The following PRDM6 variants were observed in gnomAD, a reference collection of about 807,000 sequenced individuals.
PRDM6 encodes the protein putative histone-lysine N-methyltransferase PRDM6.
PRDM6 carries 25 observed loss-of-function variants against 60.8 expected under a neutral mutation model. The observed-to-expected ratio is 0.41, with a 90% CI of 0.30 to 0.57. The LOEUF (loss-of-function observed/expected upper bound fraction) is 0.57. Among genes scored for constraint, PRDM6 ranks in the 20% least tolerant of loss-of-function variants. The probability of loss-of-function intolerance (pLI) is 0.27; values close to 1 mark genes in which losing one functional copy is unlikely to be tolerated. For synonymous variants in PRDM6, 407 were observed against 357.4 expected (o/e 1.14, Z -1.57); for missense variants, 839 against 821.3 (o/e 1.02, Z -0.26).
chr5:123,093,809 C>G lies in PRDM6; in HGVS notation c.592+3203C>G, dbSNP rs144687703. On this transcript the variant is annotated intron_variant, in intron 2 of 7. Coordinates refer to ENST00000407847, the MANE Select transcript of PRDM6 (RefSeq NM_001136239.4). Reference sequence around the variant, plus strand: ...CAGTCACAGGGCGCGCCTGGCGTTTCTGAGTAGCATCCCGGCTGTTCTCTC... The same window carrying G: ...CAGTCACAGGGCGCGCCTGGCGTTTGTGAGTAGCATCCCGGCTGTTCTCTC... 8.3e-3 allele frequency among the ~76,000 whole-genome samples: 1,262 copies of G among 152,246 alleles called. 12 individuals carry two copies. Among genetic ancestry groups the G allele is most frequent in the African/African-American group, 0.027 (1,116 of 41,532 alleles).
intron 4 of PRDM6, among the ~76,000 whole-genome samples, chr5:123,156,556 G>A (rs1035975922): frequency 1.3e-5 from 2 of 152,290 alleles, no homozygotes; most frequent in Middle Eastern, 3.4e-3. Context: ...GGTGGCAGTG[G>A]GTTTGGCCCT....
intron 3 of PRDM6, among the ~76,000 whole-genome samples, chr5:123,106,717 G>A (rs903386712): frequency 6.6e-6 from 1 of 152,184 alleles, no homozygotes; most frequent in African/African-American, 2.4e-5. Context: ...CAGACGGAAT[G>A]TTTTTATCAT....
chr5:123,157,932 C>A (rs944078756), intron 4 of PRDM6, among the ~76,000 whole-genome samples: 2 of 152,170 alleles, frequency 1.3e-5, no homozygotes, highest in Non-Finnish European at 2.9e-5. Flanking sequence ...CATCCAACCA[C>A]AATACTAAAT....
At chr5:123,153,288 A>G (rs17150092) in intron 3 of PRDM6, among the ~76,000 whole-genome samples, 2,462 of 151,918 alleles carry the variant, frequency 0.016, 76 homozygotes, top group African/African-American at 0.056. Context: ...CTCTTGCTAT[A>G]CTTTAGGTGA....
At chr5:123,163,385 G>T (rs1416786209) in intron 5 of PRDM6, among the ~76,000 whole-genome samples, 1 of 152,134 alleles carries the variant, frequency 6.6e-6, no homozygotes, top group African/African-American at 2.4e-5. Flanking sequence ...GAGAGTGTGC[G>T]GTGGGTTTGG....
intron 1 of PRDM6, among the ~76,000 whole-genome samples, chr5:123,089,791 G>C (rs1188209288): frequency 6.6e-6 from 1 of 152,230 alleles, no homozygotes; most frequent in Non-Finnish European, 1.5e-5. Flanking sequence ...CGGGGAGGCA[G>C]AGCAGGGTGC....
intron 5 of PRDM6, among the ~76,000 whole-genome samples, chr5:123,161,844 A>C (rs1765638697): frequency 6.6e-6 from 1 of 152,174 alleles, no homozygotes; most frequent in Non-Finnish European, 1.5e-5. Context: ...TTTTTTCAGG[A>C]ATAATCCCTG....
intron 3 of PRDM6, among the ~76,000 whole-genome samples, chr5:123,142,903 C>CCAAAAAAAAAAAAAAAAAAAAAAAAA (rs1765143929): frequency 1.5e-5 from 1 of 68,128 alleles, no homozygotes; most frequent in African/African-American, 5.9e-5. Context: ...AAAAAAAAAA[C>CCAAAAAAAAAAAAAAAAAAAAAAAAA]AAACAAACCA....
intron 2 of PRDM6, among the ~76,000 whole-genome samples, chr5:123,094,555 A>G (rs958768870): frequency 5.3e-5 from 8 of 152,096 alleles, no homozygotes; most frequent in African/African-American, 1.9e-4. Context: ...ATACAGCCAT[A>G]TATTAGATTG....
Position 123,101,013 on chromosome 5 carries a change from C to T in PRDM6, c.900+1052C>T, listed in dbSNP as rs1764090981. Among the ~76,000 whole-genome samples, 4 of 152,164 alleles carry T rather than the reference C, an allele frequency of 2.6e-5. No homozygotes were observed. The South Asian group carries it at 8.3e-4, about 32-fold the overall frequency. ...TCTTAAATGCCAGGGGTCAGGTTGA[C>T]ATGAACCCCTGGGCTCCATTAATGC... On this transcript the variant is annotated intron_variant, in intron 3 of 7. Coordinates refer to ENST00000407847, the MANE Select transcript of PRDM6 (RefSeq NM_001136239.4).
chr5:123,091,354 C>T (rs1242229337), intron 2 of PRDM6, among the ~76,000 whole-genome samples: 1 of 152,210 alleles, frequency 6.6e-6, no homozygotes, highest in Non-Finnish European at 1.5e-5. Context: ...ATTCATAACC[C>T]ATGTTGGTTT....
Position 123,099,609 on chromosome 5 carries a change from C to T in PRDM6, c.593-45C>T. 1.4e-6 allele frequency: 2 copies of T among 1,414,482 alleles called. No individual in the cohort carries two copies. 87.6% of individuals were successfully genotyped at this position (1,414,482 alleles called of 1,614,324 possible). A position where few individuals can be genotyped will look rare whatever the true frequency, so the allele number is the denominator to read the frequency against. The stretch of plus-strand genomic sequence containing the variant: ...TCAAAGATGGGCCGCTCGGGGCGGC[C>T]GGATTAACCCGCTCCCTTCCCTTCC... On this transcript the variant is annotated intron_variant, in intron 2 of 7. Coordinates refer to ENST00000407847, the MANE Select transcript of PRDM6 (RefSeq NM_001136239.4). The surrounding 1 kb of genome is among the most constrained non-coding windows in gnomAD (Gnocchi z 4.0).
chr5:123,127,008 T>C (rs1764707549), intron 3 of PRDM6, among the ~76,000 whole-genome samples: 1 of 152,108 alleles, frequency 6.6e-6, no homozygotes, highest in Non-Finnish European at 1.5e-5. Context: ...CTCCCAGAAC[T>C]TAGACTGACC....
At chr5:123,130,645 A>G (rs1318709411) in intron 3 of PRDM6, among the ~76,000 whole-genome samples, 2 of 151,466 alleles carry the variant, frequency 1.3e-5, no homozygotes, top group Admixed American at 6.6e-5. Flanking sequence ...GCTCACTGCA[A>G]CCTCCGCCTC....
At chr5:123,092,339 G>A (rs575212222) in intron 2 of PRDM6, among the ~76,000 whole-genome samples, 1 of 152,306 alleles carries the variant, frequency 6.6e-6, no homozygotes, top group South Asian at 2.1e-4. Flanking sequence ...GGCTGAGAAT[G>A]CTTCATCAAT....
At chr5:123,124,957 G>A (rs1006802069) in intron 3 of PRDM6, among the ~76,000 whole-genome samples, 5 of 151,918 alleles carry the variant, frequency 3.3e-5, no homozygotes, top group African/African-American at 1.2e-4. Context: ...ATCCAGATCT[G>A]TGAAAAACTT....
chr5:123,151,614 A>G (rs1205419636), intron 3 of PRDM6, among the ~76,000 whole-genome samples: 3 of 152,308 alleles, frequency 2.0e-5, no homozygotes, highest in African/African-American at 4.8e-5. Flanking sequence ...GGGTTGGAAC[A>G]GATGGTCTCT....
At chr5:123,096,961 T>C (rs545275285) in intron 2 of PRDM6, among the ~76,000 whole-genome samples, 1 of 152,132 alleles carries the variant, frequency 6.6e-6, no homozygotes, top group African/African-American at 2.4e-5. Flanking sequence ...GGAAGTTGAC[T>C]GTCTCTGGCA....
At chr5:123,143,921 C>CA (rs1765179106) in intron 3 of PRDM6, among the ~76,000 whole-genome samples, 1 of 152,144 alleles carries the variant, frequency 6.6e-6, no homozygotes, top group Non-Finnish European at 1.5e-5. Context: ...TTGCTACAGG[C>CA]AGTGTGGTCC....
Sources: gnomAD v4.1 joint callset for allele counts (sites outside exome capture counted in the v4.1 genomes callset) on GRCh38, gnomAD v4.1.1 for gene constraint, Gnocchi (gnomAD v3.1) non-coding constraint, MANE v1.5 for transcripts, NCBI Gene and HGNC (gene_info 2026-07-23, HGNC 2026-07-21) for gene names.